Variants in GARNL3 observed in about 807,000 individuals in gnomAD.
GARNL3 encodes the protein GTPase activating Rap/RanGAP domain like 3.
Under a neutral mutation model 125.0 loss-of-function variants are expected in GARNL3, and 63 were observed. The observed-to-expected ratio is 0.50, with a 90% CI of 0.41 to 0.62. The LOEUF is 0.62. GARNL3 is among the 20% of genes least tolerant of loss of function. The pLI is 0.00. For synonymous variants in GARNL3, 439 were observed against 457.5 expected, an observed-to-expected ratio of 0.96 and a Z score of 0.52; for missense variants, 994 against 1,244.0, an observed-to-expected ratio of 0.80 and a Z score of 3.02.
intron 27 of GARNL3, among the ~76,000 whole-genome samples, chr9:127,391,409 C>T (rs2131847637): frequency 6.9e-6 from 1 of 144,644 alleles, no homozygotes; most frequent in South Asian, 2.2e-4. Flanking sequence ...AAAATGCTGG[C>T]TAGGCATGGT....
chr9:127,353,062 G>T (rs1031932539), intron 17 of GARNL3, among the ~76,000 whole-genome samples: 8 of 152,146 alleles, frequency 5.3e-5, no homozygotes, highest in Admixed American at 4.6e-4. Context: ...TGTCCTCGGA[G>T]CCCTCAGGAG....
At chr9:127,304,444 G>A (rs1406843883) in intron 2 of GARNL3, among the ~76,000 whole-genome samples, 6 of 151,478 alleles carry the variant, frequency 4.0e-5, no homozygotes, top group East Asian at 1.9e-4. Flanking sequence ...ACACACATAC[G>A]TCTGTGTCAC....
At chr9:127,387,729 C>T (rs556787341) in intron 25 of GARNL3, among the ~76,000 whole-genome samples, 80 of 133,356 alleles carry the variant, frequency 6.0e-4, no homozygotes, top group Non-Finnish European at 1.1e-3. Context: ...GGCGATAGAG[C>T]GAGACTCTGT....
chr9:127,231,314 C>T (rs112974101), intron 1 of GARNL3, among the ~76,000 whole-genome samples: 9 of 146,990 alleles, frequency 6.1e-5, no homozygotes, highest in Admixed American at 2.8e-4. Flanking sequence ...CCTCATGATC[C>T]GCCCGCCTCG....
intron 1 of GARNL3, among the ~76,000 whole-genome samples, chr9:127,284,718 T>G (rs1015314458): frequency 6.7e-6 from 1 of 148,412 alleles, no homozygotes; most frequent in South Asian, 2.2e-4. Context: ...AGTATCTAAT[T>G]TTACTATTCC....
chr9:127,307,523 T>C (rs948406622), intron 2 of GARNL3, among the ~76,000 whole-genome samples: 2 of 152,124 alleles, frequency 1.3e-5, no homozygotes, highest in African/African-American at 4.8e-5. Context: ...CAAAGAAAAA[T>C]AACTGTGATA....
chr9:127,298,274 G>A (rs1282995614), intron 2 of GARNL3, among the ~76,000 whole-genome samples: 1 of 152,152 alleles, frequency 6.6e-6, no homozygotes, highest in Non-Finnish European at 1.5e-5. Flanking sequence ...TGCCTTCTGG[G>A]TTCAAGCGAG....
intron 2 of GARNL3, among the ~76,000 whole-genome samples, chr9:127,243,553 A>C (rs1160751930): frequency 6.6e-6 from 1 of 152,210 alleles, no homozygotes; most frequent in Non-Finnish European, 1.5e-5. Flanking sequence ...CACACAAATA[A>C]ATACTAGCAA....
chr9:127,350,055 G>A (rs577342428), intron 17 of GARNL3, among the ~76,000 whole-genome samples: 27 of 152,270 alleles, frequency 1.8e-4, no homozygotes, highest in African/African-American at 6.0e-4. Flanking sequence ...GATGTGGGCC[G>A]TGCTTCATAA....
At chr9:127,366,165 G>A (rs1416548417) in intron 22 of GARNL3, among the ~76,000 whole-genome samples, 3 of 152,128 alleles carry the variant, frequency 2.0e-5, no homozygotes, top group East Asian at 3.8e-4. Context: ...TGGTAATGCT[G>A]GGTCAGATGT....
chr9:127,227,030 G>A (rs1564832578), intron 1 of GARNL3, among the ~76,000 whole-genome samples: 1 of 152,178 alleles, frequency 6.6e-6, no homozygotes, highest in Non-Finnish European at 1.5e-5. Context: ...CTTGTAATGT[G>A]GCTAGTTGAG....
intron 1 of GARNL3, among the ~76,000 whole-genome samples, chr9:127,288,971 CT>C (rs1230911023): frequency 6.6e-6 from 1 of 152,146 alleles, no homozygotes; most frequent in Non-Finnish European, 1.5e-5. Context: ...TCATAGTGCT[CT>C]TTTCTTGCCA....
intron 22 of GARNL3, among the ~76,000 whole-genome samples, chr9:127,380,441 C>T (rs1253944265): frequency 6.6e-6 from 1 of 152,020 alleles, no homozygotes; most frequent in Non-Finnish European, 1.5e-5. Flanking sequence ...TATAACCCAG[C>T]AATCTATACA....
At chr9:127,344,933 A>G (rs1830058852) in intron 15 of GARNL3, among the ~76,000 whole-genome samples, 1 of 152,198 alleles carries the variant, frequency 6.6e-6, no homozygotes, top group African/African-American at 2.4e-5. Context: ...ATGGAGAAGG[A>G]GGAGTGCCCT....
chr9:127,314,620 G>A (rs117941597), intron 4 of GARNL3, among the ~76,000 whole-genome samples: 2,211 of 150,348 alleles, frequency 0.015, 22 homozygotes, highest in Middle Eastern at 0.038. Context: ...TACTTTTCTG[G>A]AATGGACTTT....
chr9:127,281,181 G>T (rs1170313107), intron 1 of GARNL3, among the ~76,000 whole-genome samples: 1 of 152,124 alleles, frequency 6.6e-6, no homozygotes. Context: ...AGCCCGAGTG[G>T]GTTATGAGGT....
chr9:127,342,428 C>T (rs955440316), intron 14 of GARNL3, 94 bp downstream of exon 14: 10 of 812,308 alleles, frequency 1.2e-5, no homozygotes, highest in African/African-American at 1.7e-5. Context: ...GTGAGAAAAG[C>T]GTAGGAGGCG....
At chr9:127,265,386 T>G (rs1013353289) in intron 1 of GARNL3, among the ~76,000 whole-genome samples, 1 of 152,238 alleles carries the variant, frequency 6.6e-6, no homozygotes, top group Non-Finnish European at 1.5e-5. Context: ...TAAATATTAT[T>G]GAAATACGTA....
At chr9:127,351,475 T>TA (rs145020779) in intron 17 of GARNL3, among the ~76,000 whole-genome samples, 6,894 of 149,326 alleles carry the variant, frequency 0.046, 400 homozygotes, top group African/African-American at 0.14. Flanking sequence ...TGTTTTTGCT[T>TA]AAAAAAAAAA....
Sources: allele counts gnomAD v4.1 joint callset (sites outside exome capture counted in the v4.1 genomes callset), GRCh38; gene constraint gnomAD v4.1.1; transcripts MANE v1.5; gene names NCBI Gene and HGNC (gene_info 2026-07-23, HGNC 2026-07-21).